The following CDH13 variants were observed in gnomAD, a reference collection of about 807,000 sequenced individuals.
The protein encoded by CDH13 is cadherin 13.
CDH13 carries 24 observed loss-of-function variants against 63.8 expected under a neutral mutation model. That is an observed-to-expected ratio of 0.38 (90% CI 0.27 to 0.53). CDH13 has a LOEUF of 0.53. CDH13 is among the 20% of genes least tolerant of loss of function. CDH13 has a pLI of 0.85. For missense variants in CDH13, 1,049 were observed against 903.1 expected (o/e 1.16, Z -2.07); for synonymous variants, 503 against 355.3 (o/e 1.42, Z -4.67).
At chr16:83,458,949 G>A (rs917852381) in intron 6 of CDH13, among the ~76,000 whole-genome samples, 5 of 152,208 alleles carry the variant, frequency 3.3e-5, no homozygotes, top group African/African-American at 7.2e-5. Context: ...TGCAAAAGCA[G>A]TGTCTATTTA....
chr16:83,031,343 AC>A (rs1916311426), intron 2 of CDH13, among the ~76,000 whole-genome samples: 1 of 143,498 alleles, frequency 7.0e-6, no homozygotes, highest in African/African-American at 2.5e-5. Context: ...ATATGTATAC[AC>A]GTATATGGTA....
intron 2 of CDH13, among the ~76,000 whole-genome samples, chr16:82,952,208 G>A (rs752771179): frequency 2.0e-5 from 3 of 152,176 alleles, no homozygotes; most frequent in Non-Finnish European, 2.9e-5. Context: ...GGTGCTGCCC[G>A]AGAAGCGCAT....
chr16:83,307,529 G>C (rs2151882391), intron 5 of CDH13, among the ~76,000 whole-genome samples: 1 of 152,210 alleles, frequency 6.6e-6, no homozygotes, highest in South Asian at 2.1e-4. Context: ...TTTACTAATA[G>C]GAGCACCAAA....
intron 2 of CDH13, among the ~76,000 whole-genome samples, chr16:82,964,644 A>G (rs925497371): frequency 6.6e-6 from 1 of 152,264 alleles, no homozygotes; most frequent in African/African-American, 2.4e-5. Context: ...TTCTTCATAA[A>G]GGGACTGAGA....
chr16:83,075,270 C>T (rs1205024812), intron 3 of CDH13, among the ~76,000 whole-genome samples: 2 of 152,154 alleles, frequency 1.3e-5, no homozygotes, highest in Non-Finnish European at 2.9e-5. Flanking sequence ...AGAGTTTCAC[C>T]CCAGTTCTTG....
intron 6 of CDH13, among the ~76,000 whole-genome samples, chr16:83,359,962 A>G (rs1287013018): frequency 6.6e-6 from 1 of 152,220 alleles, no homozygotes; most frequent in Non-Finnish European, 1.5e-5. Flanking sequence ...GTCTTAGGAC[A>G]CCACACATAT....
intron 3 of CDH13, among the ~76,000 whole-genome samples, chr16:83,081,001 C>A (rs933537893): frequency 1.1e-4 from 17 of 149,236 alleles, no homozygotes; most frequent in African/African-American, 3.2e-4. Flanking sequence ...CCTGCCTCAG[C>A]CTCCCGAGTA....
At chr16:83,196,391 T>C (rs929275054) in intron 4 of CDH13, among the ~76,000 whole-genome samples, 1 of 152,228 alleles carries the variant, frequency 6.6e-6, no homozygotes, top group African/African-American at 2.4e-5. Flanking sequence ...GTTCTTATAC[T>C]TGTCACAAAC....
chr16:83,192,334 G>T (rs899426328), intron 4 of CDH13, among the ~76,000 whole-genome samples: 1 of 152,202 alleles, frequency 6.6e-6, no homozygotes, highest in Admixed American at 6.5e-5. Flanking sequence ...ATTCACTTCT[G>T]CAGAGAGCAG....
intron 1 of CDH13, among the ~76,000 whole-genome samples, chr16:82,790,817 C>T (rs568188123): frequency 6.6e-6 from 1 of 152,276 alleles, no homozygotes; most frequent in African/African-American, 2.4e-5. Context: ...AGAACTCACT[C>T]ACTACCATGA....
chr16:83,501,318 A>G (rs1008613252), intron 7 of CDH13, among the ~76,000 whole-genome samples: 1 of 152,196 alleles, frequency 6.6e-6, no homozygotes, highest in East Asian at 1.9e-4. Flanking sequence ...CCAAAATTAA[A>G]TTCTTTTAGG....
chr16:83,693,147 T>C (rs1431159429), intron 10 of CDH13, among the ~76,000 whole-genome samples: 1 of 152,142 alleles, frequency 6.6e-6, no homozygotes, highest in Non-Finnish European at 1.5e-5. Flanking sequence ...GTGCCAGACT[T>C]CCTGAGCACA....
chr16:82,672,645 C>T (rs1343343956), intron 1 of CDH13, among the ~76,000 whole-genome samples: 1 of 152,092 alleles, frequency 6.6e-6, no homozygotes, highest in Non-Finnish European at 1.5e-5. Context: ...ATTTCCTCCT[C>T]CATCTGCCTT....
intron 2 of CDH13, among the ~76,000 whole-genome samples, chr16:82,974,022 C>A (rs1393001155): frequency 6.6e-6 from 1 of 152,072 alleles, no homozygotes; most frequent in Non-Finnish European, 1.5e-5. Flanking sequence ...CCGGTTCTAG[C>A]GATTCTCCTG....
chr16:82,793,122 T>C (rs1432765327), intron 1 of CDH13, among the ~76,000 whole-genome samples: 1 of 152,174 alleles, frequency 6.6e-6, no homozygotes, highest in Non-Finnish European at 1.5e-5. Context: ...ACTAAACAAG[T>C]GGCCCATGAA....
In CDH13 at chr16:83,216,417, T is replaced by C. The variant is rs1240707557; in HGVS notation, c.484-928T>C. 1.1e-3 allele frequency among the ~76,000 whole-genome samples: 99 copies of C among 92,556 alleles called. 4 individuals are homozygous for C. Among genetic ancestry groups the C allele is most frequent in the Non-Finnish European group, 1.8e-3 (81 of 45,792 alleles). 60.7% of individuals were successfully genotyped at this position (92,556 alleles called of 152,430 possible). On this transcript the variant is annotated intron_variant, in intron 4 of 13. Coordinates refer to ENST00000567109, the MANE Select transcript of CDH13 (RefSeq NM_001257.5). Reference sequence around the variant, plus strand: ...ATTGAAATATATATATATATATATATATATATATATATATATATATATATA... The same window carrying C: ...ATTGAAATATATATATATATATATACATATATATATATATATATATATATA...
chr16:83,281,785 C>T (rs923066122), intron 5 of CDH13, among the ~76,000 whole-genome samples: 1 of 151,438 alleles, frequency 6.6e-6, no homozygotes, highest in African/African-American at 2.4e-5. Context: ...TGGTGGCGCG[C>T]ACCTGTAATC....
intron 2 of CDH13, among the ~76,000 whole-genome samples, chr16:83,013,807 C>T (rs998896166): frequency 6.6e-6 from 1 of 152,122 alleles, no homozygotes; most frequent in South Asian, 2.1e-4. Context: ...GGCCCGGTCT[C>T]TGCAAGAATG....
intron 8 of CDH13, among the ~76,000 whole-genome samples, chr16:83,625,773 G>T (rs567606710): frequency 1.8e-4 from 27 of 152,272 alleles, no homozygotes; most frequent in Admixed American, 3.9e-4. Context: ...GGGAGGGGAG[G>T]TCTACAGCTT....
Sources: allele counts gnomAD v4.1 joint callset (sites outside exome capture counted in the v4.1 genomes callset), GRCh38; gene constraint gnomAD v4.1.1; transcripts MANE v1.5; gene names NCBI Gene and HGNC (gene_info 2026-07-23, HGNC 2026-07-21).